The following PACRG variants were observed in gnomAD, a reference collection of about 807,000 sequenced individuals.
PACRG encodes parkin coregulated.
In PACRG, 29 loss-of-function variants were observed where a neutral mutation model predicts 29.7. That is an observed-to-expected ratio of 0.98 (90% confidence interval 0.73 to 1.33). PACRG has a LOEUF of 1.33. PACRG is among the 40% of genes most tolerant of loss of function. The pLI is 0.00. For missense variants in PACRG, 279 were observed against 316.2 expected, an observed-to-expected ratio of 0.88 and a Z score of 0.89; for synonymous variants, 116 against 118.7, an observed-to-expected ratio of 0.98 and a Z score of 0.15.
intron 1 of PACRG, among the ~76,000 whole-genome samples, chr6:162,773,956 A>G (rs13197688): frequency 0.089 from 13,591 of 152,256 alleles, 918 homozygotes; most frequent in South Asian, 0.23. Flanking sequence ...AACAAAAAAT[A>G]TAAACTGCAC....
intron 2 of PACRG, among the ~76,000 whole-genome samples, chr6:162,871,952 A>AC (rs1218222157): frequency 2.0e-5 from 3 of 152,152 alleles, no homozygotes; most frequent in African/African-American, 4.8e-5. Context: ...ACAAAACAAA[A>AC]AAAAACAAAA....
At chr6:163,125,180 A>G (rs912143591) in intron 4 of PACRG, among the ~76,000 whole-genome samples, 1 of 152,248 alleles carries the variant, frequency 6.6e-6, no homozygotes, top group Non-Finnish European at 1.5e-5. Flanking sequence ...AATGAAATTG[A>G]GTTAATTGAT....
At chr6:162,937,513 A>G (rs1456257247) in intron 2 of PACRG, among the ~76,000 whole-genome samples, 1 of 152,168 alleles carries the variant, frequency 6.6e-6, no homozygotes, top group Admixed American at 6.5e-5. Flanking sequence ...GGTGAGCAGC[A>G]TCTTCACATC....
chr6:163,023,029 C>G (rs994224425), intron 2 of PACRG, among the ~76,000 whole-genome samples: 1 of 152,096 alleles, frequency 6.6e-6, no homozygotes, highest in Admixed American at 6.6e-5. Flanking sequence ...GTTAACATGC[C>G]TATTTAGCTC....
chr6:163,166,105 G>T (rs1198466943), intron 4 of PACRG: 2 of 456,126 alleles, frequency 4.4e-6, no homozygotes, highest in Non-Finnish European at 8.8e-6. Context: ...CAATTCCTCG[G>T]CTGCAGGGCT....
chr6:162,770,944 T>A (rs1783169160), intron 1 of PACRG, among the ~76,000 whole-genome samples: 1 of 152,188 alleles, frequency 6.6e-6, no homozygotes, highest in Non-Finnish European at 1.5e-5. Flanking sequence ...GTCACGGTTT[T>A]ATATAAGGGA....
chr6:162,767,017 T>A (rs1339020913), intron 1 of PACRG, among the ~76,000 whole-genome samples: 1 of 152,080 alleles, frequency 6.6e-6, no homozygotes, highest in Non-Finnish European at 1.5e-5. Flanking sequence ...ATATACAGTT[T>A]TTAAATTATT....
At chr6:162,799,159 A>G (rs180986849) in intron 1 of PACRG, among the ~76,000 whole-genome samples, 265 of 152,314 alleles carry the variant, frequency 1.7e-3, no homozygotes, top group Non-Finnish European at 3.0e-3. Context: ...AAGCTGACCA[A>G]ACTTCAGCCA....
chr6:163,069,033 T>C (rs1029186371), intron 3 of PACRG, among the ~76,000 whole-genome samples: 1 of 152,122 alleles, frequency 6.6e-6, no homozygotes, highest in Admixed American at 6.5e-5. Context: ...GAGCATAGCC[T>C]GGAATCAGAC....
chr6:163,117,345 G>T lies in PACRG; in HGVS notation c.613+27937G>T, dbSNP rs557001219. ...CAGGGGCCACCTAGAGACTGAGGCC[G>T]CCTGGCTCCAGCCACTGGGGAGGTT... On this transcript the variant is annotated intron_variant, in intron 4 of 4. Coordinates refer to ENST00000366888, the MANE Select transcript of PACRG (RefSeq NM_001080379.2). Among the ~76,000 whole-genome samples the T allele has an allele frequency of 7.4e-4, 113 of 152,318 alleles. 1 individual carries two copies. Among genetic ancestry groups the T allele is most frequent in the Non-Finnish European group, 2.6e-4 (18 of 68,038 alleles).
intron 1 of PACRG, among the ~76,000 whole-genome samples, chr6:162,749,828 A>G (rs1373737721): frequency 6.6e-6 from 1 of 152,194 alleles, no homozygotes; most frequent in Non-Finnish European, 1.5e-5. Flanking sequence ...CCAAGGAAAC[A>G]TATTTCTTAC....
intron 4 of PACRG, among the ~76,000 whole-genome samples, chr6:163,262,082 T>G (rs933830372): frequency 1.3e-5 from 2 of 152,238 alleles, no homozygotes; most frequent in Non-Finnish European, 2.9e-5. Context: ...CTGTGCATTC[T>G]AAAATAAATT....
At chr6:162,761,458 G>A (rs1434053477) in intron 1 of PACRG, among the ~76,000 whole-genome samples, 5 of 152,122 alleles carry the variant, frequency 3.3e-5, no homozygotes, top group African/African-American at 7.2e-5. Flanking sequence ...AGAAAGCATA[G>A]GAAGTTTTGG....
intron 4 of PACRG, among the ~76,000 whole-genome samples, chr6:163,213,367 A>G (rs1390146827): frequency 1.3e-5 from 2 of 152,212 alleles, no homozygotes; most frequent in African/African-American, 2.4e-5. Context: ...GAGACATCAC[A>G]AATAATGCAA....
intron 4 of PACRG, among the ~76,000 whole-genome samples, chr6:163,308,679 AGG>A (rs1562371447): frequency 1.3e-4 from 20 of 150,332 alleles, no homozygotes; most frequent in South Asian, 2.1e-4. Flanking sequence ...AAAAAAAAAA[AGG>A]AAAATTTATT....
intron 1 of PACRG, among the ~76,000 whole-genome samples, chr6:162,798,704 C>G (rs745781116): frequency 6.6e-6 from 1 of 152,166 alleles, no homozygotes; most frequent in Non-Finnish European, 1.5e-5. Flanking sequence ...AACACCTCCT[C>G]TATTTCCTTT....
chr6:162,917,612 T>A (rs573656193), intron 2 of PACRG, among the ~76,000 whole-genome samples: 1 of 152,314 alleles, frequency 6.6e-6, no homozygotes, highest in South Asian at 2.1e-4. Context: ...AGCCACATTT[T>A]TGAGCAGAGA....
intron 2 of PACRG, among the ~76,000 whole-genome samples, chr6:162,988,179 G>A (rs1340693754): frequency 6.6e-6 from 1 of 152,166 alleles, no homozygotes; most frequent in Non-Finnish European, 1.5e-5. Flanking sequence ...ATCCAAGTGG[G>A]AGCTGCATGT....
At chr6:163,300,723 T>C (rs1337455750) in intron 4 of PACRG, among the ~76,000 whole-genome samples, 1 of 152,198 alleles carries the variant, frequency 6.6e-6, no homozygotes, top group Non-Finnish European at 1.5e-5. Context: ...TTAAATCCCA[T>C]AGTGATACTA....
Sources: gnomAD v4.1 joint callset for allele counts (sites outside exome capture counted in the v4.1 genomes callset) on GRCh38, gnomAD v4.1.1 for gene constraint, MANE v1.5 for transcripts, NCBI Gene and HGNC (gene_info 2026-07-23, HGNC 2026-07-21) for gene names.